The following VTA1 variants were observed in gnomAD, a reference collection of about 807,000 sequenced individuals.
The protein encoded by VTA1 is vacuolar protein sorting-associated protein VTA1 homolog.
A neutral mutation model predicts 36.9 loss-of-function variants in VTA1; 24 were observed. That is an observed-to-expected ratio of 0.65 (90% CI 0.47 to 0.91). The LOEUF is 0.91. VTA1 is among the 40% of genes least tolerant of loss of function. The pLI, the probability that VTA1 is intolerant of heterozygous loss-of-function variation, is 0.00. For missense variants in VTA1, 393 were observed against 377.2 expected (o/e 1.04, Z -0.35); for synonymous variants, 142 against 130.2 (o/e 1.09, Z -0.62).
intron 1 of VTA1, among the ~76,000 whole-genome samples, chr6:142,164,120 C>T (rs1365944375): frequency 1.3e-5 from 2 of 151,994 alleles, no homozygotes; most frequent in East Asian, 3.9e-4. Context: ...GAAGCATCCT[C>T]TTAAAAATAA....
intron 4 of VTA1, among the ~76,000 whole-genome samples, chr6:142,175,096 G>A (rs978734782): frequency 2.6e-5 from 4 of 152,090 alleles, no homozygotes; most frequent in Non-Finnish European, 5.9e-5. Flanking sequence ...GATGATTTGG[G>A]ATATTCTAAT....
chr6:142,160,248 C>A (rs1314379167), intron 1 of VTA1, among the ~76,000 whole-genome samples: 1 of 152,072 alleles, frequency 6.6e-6, no homozygotes, highest in Non-Finnish European at 1.5e-5. Context: ...AAAAGTATGC[C>A]CATCTTGGAT....
chr6:142,197,918 C>CAAA (rs1379077511), intron 5 of VTA1, among the ~76,000 whole-genome samples: 1 of 91,640 alleles, frequency 1.1e-5, no homozygotes, highest in Non-Finnish European at 2.4e-5. Context: ...ACTAAAAATA[C>CAAA]AAAAAAAAAA....
intron 1 of VTA1, among the ~76,000 whole-genome samples, chr6:142,155,591 G>T (rs747059885): frequency 6.6e-6 from 1 of 152,134 alleles, no homozygotes; most frequent in African/African-American, 2.4e-5. Flanking sequence ...TTTGTCTTCA[G>T]TGACCCCTCA....
At position 142,181,094 on chromosome 6, in the gene VTA1, A is replaced by AAAATAT. The variant is rs1471429927; in HGVS notation, c.412-8331_412-8330insAATATA. ...AATGGTACAGAAAAAAAAAAAAAAA[A>AAAATAT]ATATATATATATATATATATATACA... On this transcript the variant is annotated intron_variant, in intron 4 of 7. Transcript: ENST00000367630. Among the ~76,000 whole-genome samples, 183 of 36,410 alleles carry AAAATAT rather than the reference A, an allele frequency of 5.0e-3. 3 individuals carry two copies. The highest frequency in any genetic ancestry group is 0.011 in the African/African-American group (138 of 13,104). 23.9% of individuals were successfully genotyped at this position (36,410 alleles called of 152,430 possible).
chr6:142,148,862 G>C (rs933950693), intron 1 of VTA1, among the ~76,000 whole-genome samples: 1 of 152,142 alleles, frequency 6.6e-6, no homozygotes, highest in Non-Finnish European at 1.5e-5. Context: ...TAAAAGTCCC[G>C]AAGTAGAGGC....
intron 5 of VTA1, among the ~76,000 whole-genome samples, chr6:142,195,011 T>G (rs1025641876): frequency 2.6e-5 from 4 of 152,130 alleles, no homozygotes; most frequent in Non-Finnish European, 4.4e-5. Context: ...AGGCCTTGTA[T>G]TATATGGCTG....
chr6:142,202,933 C>T (rs117050722), intron 6 of VTA1, among the ~76,000 whole-genome samples: 1,864 of 151,818 alleles, frequency 0.012, 17 homozygotes, highest in Non-Finnish European at 0.021. Context: ...AAATACAGAG[C>T]GAGTTTGTCC....
intron 1 of VTA1, among the ~76,000 whole-genome samples, chr6:142,155,210 G>A (rs557631238): frequency 5.9e-5 from 9 of 152,228 alleles, no homozygotes; most frequent in South Asian, 2.1e-4. Context: ...ATGAGTACGC[G>A]TTCAGATCCT....
At chr6:142,211,126 G>A (rs923966416) in intron 7 of VTA1, among the ~76,000 whole-genome samples, 15 of 152,014 alleles carry the variant, frequency 9.9e-5, no homozygotes, top group Admixed American at 5.9e-4. Context: ...GGTGGATCTC[G>A]TGAAAATAGA....
At chr6:142,203,613 A>G (rs225688) in intron 6 of VTA1, among the ~76,000 whole-genome samples, 73,090 of 151,838 alleles carry the variant, frequency 0.48, 18,103 homozygotes, top group Middle Eastern at 0.6. Context: ...TTTCATGCAC[A>G]GTGATGAAAT....
chr6:142,181,138 C>CTTTTT (rs541820177), intron 4 of VTA1, among the ~76,000 whole-genome samples: 19 of 106,518 alleles, frequency 1.8e-4, no homozygotes, highest in Non-Finnish European at 3.9e-4. Flanking sequence ...CACAGACACA[C>CTTTTT]TTTTTTTTTT....
At chr6:142,212,109 AG>A in intron 7 of VTA1, among the ~76,000 whole-genome samples, 1 of 152,354 alleles carries the variant, frequency 6.6e-6, no homozygotes, top group Middle Eastern at 3.4e-3. Flanking sequence ...ACAGTTTGGC[AG>A]TTTCTTATTT....
At chr6:142,181,092 AAAAT>A (rs1337255580) in intron 4 of VTA1, among the ~76,000 whole-genome samples, 31 of 41,940 alleles carry the variant, frequency 7.4e-4, no homozygotes, top group Admixed American at 1.8e-3. Context: ...AAAAAAAAAA[AAAAT>A]ATATATATAT....
intron 5 of VTA1, among the ~76,000 whole-genome samples, chr6:142,190,054 G>A (rs558231141): frequency 1.3e-5 from 2 of 152,244 alleles, no homozygotes; most frequent in East Asian, 3.9e-4. Flanking sequence ...ACCGTACCTG[G>A]CCTCCTACTT....
chr6:142,219,783 A>G lies in VTA1; in HGVS notation c.*1140A>G, dbSNP rs1162036482. 6.6e-6 allele frequency: 1 copy of G among 152,166 alleles called. No homozygotes were observed. The highest frequency in any genetic ancestry group is 2.4e-5 in the African/African-American group (1 of 41,430). 9.4% of individuals were successfully genotyped at this position (152,166 alleles called of 1,614,324 possible). A position where few individuals can be genotyped will look rare whatever the true frequency, so the allele number is the denominator to read the frequency against. ...TCTGGTCCATTTTATTCATGCTACT[A>G]AGATGGGAATCTTTAAACACAAGGG... On this transcript the variant is annotated 3_prime_UTR_variant, in exon 8 of 8. Transcript: ENST00000367630.
At chr6:142,208,723 G>A (rs539012715) in intron 7 of VTA1, among the ~76,000 whole-genome samples, 5 of 152,172 alleles carry the variant, frequency 3.3e-5, no homozygotes, top group South Asian at 4.1e-4. Context: ...GCTCCAAATC[G>A]TCTGGCAACA....
At chr6:142,198,735 C>T (rs1024507477) in intron 6 of VTA1, 120 bp downstream of exon 6, 20 of 874,168 alleles carry the variant, frequency 2.3e-5, no homozygotes, top group Non-Finnish European at 3.1e-5. Context: ...CCTTGAATTC[C>T]ATTTGAACCC....
At chr6:142,168,132 G>A (rs770399350) in intron 2 of VTA1, among the ~76,000 whole-genome samples, 9 of 152,136 alleles carry the variant, frequency 5.9e-5, no homozygotes, top group Non-Finnish European at 1.0e-4. Flanking sequence ...AGTATATTAT[G>A]TTTTTGCTGT....
Sources: gnomAD v4.1 joint callset for allele counts (sites outside exome capture counted in the v4.1 genomes callset) on GRCh38, gnomAD v4.1.1 for gene constraint, MANE v1.5 for transcripts, NCBI Gene and HGNC (gene_info 2026-07-23, HGNC 2026-07-21) for gene names.